Variants in LMNTD1 observed in about 807,000 individuals in gnomAD.
LMNTD1 encodes the protein lamin tail domain containing 1.
A neutral mutation model predicts 50.9 loss-of-function variants in LMNTD1; 35 were observed. The observed-to-expected ratio is 0.69, with a 90% CI of 0.53 to 0.91. The LOEUF (loss-of-function observed/expected upper bound fraction) is 0.91, where lower values mean the gene tolerates loss of function less well. Among genes scored for constraint, LMNTD1 ranks in the 40% least tolerant of loss-of-function variants. LMNTD1 has a pLI of 0.00. For synonymous variants in LMNTD1, 153 were observed against 161.9 expected (o/e 0.94, Z 0.42); for missense variants, 470 against 475.5 (o/e 0.99, Z 0.11).
intron 9 of LMNTD1, among the ~76,000 whole-genome samples, chr12:25,480,133 C>A (rs1465069097): frequency 6.6e-6 from 1 of 152,196 alleles, no homozygotes; most frequent in Admixed American, 6.5e-5. Flanking sequence ...AATACAAATA[C>A]CTTCACACTC....
intron 4 of LMNTD1, among the ~76,000 whole-genome samples, chr12:25,543,197 G>GA (rs886953911): frequency 2.6e-5 from 4 of 151,478 alleles, no homozygotes; most frequent in Non-Finnish European, 4.4e-5. Flanking sequence ...AGACATTTAT[G>GA]AAAAAAAATT....
At chr12:25,613,835 T>G (rs923956621) in intron 1 of LMNTD1, among the ~76,000 whole-genome samples, 2 of 151,854 alleles carry the variant, frequency 1.3e-5, no homozygotes, top group Non-Finnish European at 2.9e-5. Context: ...ATGAAAGAGA[T>G]GGATGATGTG....
intron 4 of LMNTD1, among the ~76,000 whole-genome samples, chr12:25,535,566 C>A (rs531383725): frequency 6.6e-6 from 1 of 151,742 alleles, no homozygotes; most frequent in Non-Finnish European, 1.5e-5. Context: ...ATCTTAAAAG[C>A]AGAATATTTG....
intron 4 of LMNTD1, among the ~76,000 whole-genome samples, chr12:25,527,671 TATATATATATACACACACACAC>T (rs1318707964): frequency 5.0e-4 from 11 of 22,024 alleles, no homozygotes; most frequent in East Asian, 2.8e-3. Flanking sequence ...TATATATATA[TATATATATATACACACACACAC>T]ACACACACAC....
intron 1 of LMNTD1, among the ~76,000 whole-genome samples, chr12:25,618,504 T>C (rs574102299): frequency 7.2e-5 from 11 of 152,324 alleles, no homozygotes; most frequent in African/African-American, 2.6e-4. Context: ...TGTAGATTGC[T>C]CTTTAGGTTG....
chr12:25,514,990 CA>C (rs1940646534), intron 8 of LMNTD1, among the ~76,000 whole-genome samples: 1 of 151,966 alleles, frequency 6.6e-6, no homozygotes, highest in Admixed American at 6.6e-5. Flanking sequence ...CTTCCTAGAG[CA>C]GTTGAGCAAA....
intron 1 of LMNTD1, among the ~76,000 whole-genome samples, chr12:25,593,218 C>T (rs1044221275): frequency 6.6e-6 from 1 of 152,146 alleles, no homozygotes; most frequent in African/African-American, 2.4e-5. Flanking sequence ...AGCTAATGCT[C>T]TACTGAAAGC....
intron 1 of LMNTD1, among the ~76,000 whole-genome samples, chr12:25,640,516 A>G (rs1946934961): frequency 6.6e-6 from 1 of 152,080 alleles, no homozygotes; most frequent in African/African-American, 2.4e-5. Context: ...AAAAAAAAAA[A>G]AATCTAAAAT....
intron 9 of LMNTD1, among the ~76,000 whole-genome samples, chr12:25,489,590 G>T (rs1439663033): frequency 1.3e-5 from 2 of 150,490 alleles, no homozygotes; most frequent in African/African-American, 4.9e-5. Flanking sequence ...CCAGTCTTCT[G>T]CGTCGCTCAC....
At chr12:25,629,889 G>A (rs1442309803) in intron 1 of LMNTD1, among the ~76,000 whole-genome samples, 1 of 152,106 alleles carries the variant, frequency 6.6e-6, no homozygotes, top group African/African-American at 2.4e-5. Flanking sequence ...ACCCCAAAGA[G>A]ATCTGACTTT....
intron 1 of LMNTD1, among the ~76,000 whole-genome samples, chr12:25,564,048 A>C (rs900206050): frequency 6.6e-6 from 1 of 152,160 alleles, no homozygotes; most frequent in Admixed American, 6.5e-5. Flanking sequence ...GGTACCACCC[A>C]TCATGGCTTC....
upstream of LMNTD1, among the ~76,000 whole-genome samples, chr12:25,555,917 T>C (rs1322139844): frequency 6.7e-6 from 1 of 149,098 alleles, no homozygotes; most frequent in East Asian, 2.0e-4. Context: ...AAGGAGAGGG[T>C]CAGCAAGAAC....
intron 9 of LMNTD1, among the ~76,000 whole-genome samples, chr12:25,489,223 C>A (rs983459481): frequency 6.6e-6 from 1 of 151,546 alleles, no homozygotes; most frequent in Non-Finnish European, 1.5e-5. Context: ...GCCCCTCCCC[C>A]AGACTCGCTG....
intron 9 of LMNTD1, among the ~76,000 whole-genome samples, chr12:25,489,325 T>C (rs1473645630): frequency 6.6e-6 from 1 of 150,494 alleles, no homozygotes; most frequent in African/African-American, 2.4e-5. Flanking sequence ...GGATATAGTC[T>C]GGTGGTGCGC....
chr12:25,576,801 T>C (rs1422884925), intron 1 of LMNTD1, among the ~76,000 whole-genome samples: 3 of 152,058 alleles, frequency 2.0e-5, no homozygotes, highest in Admixed American at 6.6e-5. Flanking sequence ...CCTAGGTTTT[T>C]TTCTAGGGTT....
chr12:25,528,433 T>C (rs1273034737), intron 4 of LMNTD1, among the ~76,000 whole-genome samples: 1 of 152,116 alleles, frequency 6.6e-6, no homozygotes, highest in East Asian at 1.9e-4. Flanking sequence ...ACCATGGTGG[T>C]TGAACTCTGC....
At chr12:25,617,697 C>T (rs948041993) in intron 1 of LMNTD1, among the ~76,000 whole-genome samples, 7 of 152,184 alleles carry the variant, frequency 4.6e-5, no homozygotes, top group East Asian at 1.9e-4. Context: ...AAGTTCACCA[C>T]GCTTAACAGA....
chr12:25,607,668 T>G lies in LMNTD1; in HGVS notation c.58+40826A>C, dbSNP rs1380230308. ...TTTGAGTGAGTTTCTTAATCCTGAA[T>G]TCTAATTTGATTGCACTGTGGTCTG... On this transcript the variant is annotated intron_variant, in intron 1 of 7. Coordinates refer to the LMNTD1 transcript ENST00000445693. Among the ~76,000 whole-genome samples the G allele has an allele frequency of 2.1e-4, 32 of 152,368 alleles. No individual in the cohort carries two copies. The South Asian group carries it at 6.6e-3, about 32-fold the overall frequency.
Position 25,538,242 on chromosome 12 carries a change from G to A in LMNTD1, c.491+8132C>T, listed in dbSNP as rs1000270920. Reference sequence around the variant, plus strand: ...AGAGAACGCCACAAAGATACTCCTCGAGACGAGCAACTCCAAGACACATAA... The same window carrying A: ...AGAGAACGCCACAAAGATACTCCTCAAGACGAGCAACTCCAAGACACATAA... On this transcript the variant is annotated intron_variant, in intron 4 of 9. Transcript: ENST00000458174. Among the ~76,000 whole-genome samples the A allele has an allele frequency of 3.4e-3, 289 of 85,854 alleles. 29 individuals are homozygous for A. Among genetic ancestry groups the A allele is most frequent in the African/African-American group, 9.8e-3 (268 of 27,274 alleles). The allele number at this position is 85,854 out of a possible 152,430, so 56.3% of individuals were successfully genotyped here. A position where few individuals can be genotyped will look rare whatever the true frequency, so the allele number is the denominator to read the frequency against.
Sources: allele counts gnomAD v4.1 joint callset (sites outside exome capture counted in the v4.1 genomes callset), GRCh38; gene constraint gnomAD v4.1.1; transcripts MANE v1.5; gene names NCBI Gene and HGNC (gene_info 2026-07-23, HGNC 2026-07-21).